LRRC8D: variants seen among roughly 807,000 people sequenced by gnomAD.
LRRC8D encodes volume-regulated anion channel subunit LRRC8D.
Under a neutral mutation model 55.8 loss-of-function variants are expected in LRRC8D, and 20 were observed. The ratio of observed to expected loss-of-function variants is 0.36; its 90% confidence interval spans 0.25 to 0.52. The LOEUF is 0.52. LRRC8D is among the 20% of genes least tolerant of loss of function. The pLI, the probability that LRRC8D is intolerant of heterozygous loss-of-function variation, is 0.93. For missense variants in LRRC8D, 651 were observed against 1,030.8 expected (o/e 0.63, Z 5.05); for synonymous variants, 352 against 377.0 (o/e 0.93, Z 0.77).
intron 2 of LRRC8D, among the ~76,000 whole-genome samples, chr1:89,892,849 G>A (rs907549207): frequency 6.6e-6 from 1 of 152,118 alleles, no homozygotes; most frequent in Non-Finnish European, 1.5e-5. Context: ...AAATTCACAA[G>A]GTTATTATAT....
chr1:89,850,376 C>T lies in LRRC8D; in HGVS notation c.-3+6594C>T, dbSNP rs1327946541. Among the ~76,000 whole-genome samples the T allele has an allele frequency of 2.0e-5, 3 of 152,118 alleles. No homozygotes were observed. The East Asian group carries it at 5.8e-4, about 29-fold the overall frequency. ...TTGTTATACAGATTATTTTATCACC[C>T]AGGTATTAAGCCTAGTACCCATTAG... On this transcript the variant is annotated intron_variant, in intron 2 of 2. Transcript: ENST00000337338.
intron 2 of LRRC8D, among the ~76,000 whole-genome samples, chr1:89,920,563 T>G (rs1663386582): frequency 1.3e-5 from 2 of 152,070 alleles, no homozygotes; most frequent in Non-Finnish European, 2.9e-5. Context: ...ATCATAATCT[T>G]TTAAGAGGGA....
At chr1:89,859,193 A>G (rs1661634607) in intron 2 of LRRC8D, among the ~76,000 whole-genome samples, 1 of 152,252 alleles carries the variant, frequency 6.6e-6, no homozygotes, top group East Asian at 1.9e-4. Context: ...ACAAGTCATA[A>G]TAGTAGACTA....
intron 1 of LRRC8D, among the ~76,000 whole-genome samples, chr1:89,840,060 A>G (rs1661094387): frequency 6.6e-6 from 1 of 152,216 alleles, no homozygotes; most frequent in African/African-American, 2.4e-5. Context: ...TGGTCTCTTC[A>G]TCTGGGGATT....
Position 89,860,756 on chromosome 1 carries a change from C to CAAAAAAAA in LRRC8D, c.-3+16997_-3+17004dup, listed in dbSNP as rs1181859656. 3.2e-4 allele frequency among the ~76,000 whole-genome samples: 6 copies of CAAAAAAAA among 18,846 alleles called. 2 individuals carry two copies. Among genetic ancestry groups the CAAAAAAAA allele is most frequent in the South Asian group, 9.8e-3 (2 of 204 alleles). 12.4% of individuals were successfully genotyped at this position (18,846 alleles called of 152,430 possible). On this transcript the variant is annotated intron_variant, in intron 2 of 2. Transcript: ENST00000337338. ...CTGGCAACAGAGCAAGACTCTATCT[C>CAAAAAAAA]AAAAAAAAAAAAAAAAAAAAAAAAA...
At chr1:89,867,712 C>G (rs1325004100) in intron 2 of LRRC8D, among the ~76,000 whole-genome samples, 1 of 152,194 alleles carries the variant, frequency 6.6e-6, no homozygotes, top group Non-Finnish European at 1.5e-5. Context: ...GTGGCTGCAC[C>G]ATTTTGCATT....
chr1:89,826,192 G>T (rs559682572), intron 1 of LRRC8D, among the ~76,000 whole-genome samples: 2 of 152,288 alleles, frequency 1.3e-5, no homozygotes, highest in African/African-American at 4.8e-5. Context: ...TAAGGATGCA[G>T]TTGTGTCACT....
intron 2 of LRRC8D, among the ~76,000 whole-genome samples, chr1:89,917,328 C>T (rs557238097): frequency 5.8e-4 from 88 of 152,268 alleles, no homozygotes; most frequent in African/African-American, 2.1e-3. Context: ...TATCTTCCCT[C>T]ACTAATCTGT....
intron 2 of LRRC8D, among the ~76,000 whole-genome samples, chr1:89,900,264 G>A (rs1198780580): frequency 6.6e-6 from 1 of 152,206 alleles, no homozygotes; most frequent in African/African-American, 2.4e-5. Flanking sequence ...CTGTGGATGA[G>A]AACCTGGTAG....
intron 2 of LRRC8D, among the ~76,000 whole-genome samples, chr1:89,889,052 A>G (rs945187745): frequency 2.0e-5 from 3 of 152,144 alleles, no homozygotes; most frequent in African/African-American, 7.2e-5. Flanking sequence ...GCAATGTGGG[A>G]AGGCAGAGAA....
chr1:89,907,237 G>C (rs943279763), intron 2 of LRRC8D, among the ~76,000 whole-genome samples: 2 of 134,674 alleles, frequency 1.5e-5, no homozygotes, highest in African/African-American at 5.3e-5. Context: ...AGTTGCCCAG[G>C]CTGGAGTGCA....
At chr1:89,867,005 T>A (rs1225628741) in intron 2 of LRRC8D, among the ~76,000 whole-genome samples, 1 of 152,228 alleles carries the variant, frequency 6.6e-6, no homozygotes. Flanking sequence ...TTTTTTTAAC[T>A]GTTTTATTGA....
intron 2 of LRRC8D, among the ~76,000 whole-genome samples, chr1:89,914,459 C>T (rs1246438797): frequency 6.6e-6 from 1 of 152,232 alleles, no homozygotes; most frequent in East Asian, 1.9e-4. Context: ...AGTGGGAGCC[C>T]AGGCAGAGGA....
intron 2 of LRRC8D, among the ~76,000 whole-genome samples, chr1:89,871,552 A>G (rs1662007702): frequency 6.6e-6 from 1 of 152,222 alleles, no homozygotes. Context: ...TTGCATTTAC[A>G]TATGGTATAA....
At chr1:89,837,512 C>G (rs1428157834) in intron 1 of LRRC8D, among the ~76,000 whole-genome samples, 2 of 152,182 alleles carry the variant, frequency 1.3e-5, no homozygotes, top group Non-Finnish European at 2.9e-5. Context: ...TCTGGTCAGC[C>G]AGGCTATCGA....
intron 2 of LRRC8D, among the ~76,000 whole-genome samples, chr1:89,886,921 A>G (rs922739336): frequency 5.9e-5 from 9 of 152,200 alleles, no homozygotes; most frequent in East Asian, 1.9e-4. Context: ...TTAAAAAGAC[A>G]TTTTTAAAAT....
intron 2 of LRRC8D, among the ~76,000 whole-genome samples, chr1:89,892,948 A>G (rs1662616879): frequency 6.6e-6 from 1 of 152,238 alleles, no homozygotes; most frequent in Non-Finnish European, 1.5e-5. Context: ...TTCAGTTGAC[A>G]TGTGGTTAAT....
chr1:89,863,253 G>A (rs931623356), intron 2 of LRRC8D, among the ~76,000 whole-genome samples: 2 of 152,204 alleles, frequency 1.3e-5, no homozygotes, highest in African/African-American at 4.8e-5. Context: ...ACAGTGACTG[G>A]CACACAGCAA....
chr1:89,897,939 C>G (rs1266770055), intron 2 of LRRC8D, among the ~76,000 whole-genome samples: 1 of 152,098 alleles, frequency 6.6e-6, no homozygotes, highest in Non-Finnish European at 1.5e-5. Flanking sequence ...GAAGGAGCAG[C>G]ATGGTCATGG....
Sources: allele counts gnomAD v4.1 joint callset (sites outside exome capture counted in the v4.1 genomes callset), GRCh38; gene constraint gnomAD v4.1.1; transcripts MANE v1.5; gene names NCBI Gene and HGNC (gene_info 2026-07-23, HGNC 2026-07-21).